UBAP2L: variants seen among roughly 807,000 people sequenced by gnomAD.
UBAP2L encodes ubiquitin-associated protein 2-like.
UBAP2L carries 12 observed loss-of-function variants against 130.6 expected under a neutral mutation model. The ratio of observed to expected loss-of-function variants is 0.09; its 90% CI spans 0.06 to 0.15. The LOEUF is 0.15. UBAP2L is among the 10% of genes least tolerant of loss of function. UBAP2L has a pLI of 1.00. For missense variants in UBAP2L, 965 were observed against 1,332.5 expected (o/e 0.72, Z 4.29); for synonymous variants, 503 against 524.7 (o/e 0.96, Z 0.57).
At chr1:154,252,674 C>T (rs1049983010) in intron 14 of UBAP2L, among the ~76,000 whole-genome samples, 1 of 152,094 alleles carries the variant, frequency 6.6e-6, no homozygotes, top group East Asian at 1.9e-4. Flanking sequence ...ATTCTCCTGC[C>T]TCAGCCTCCC....
chr1:154,265,302 G>A (rs1682922225), intron 24 of UBAP2L, among the ~76,000 whole-genome samples: 1 of 152,158 alleles, frequency 6.6e-6, no homozygotes, highest in Admixed American at 6.6e-5. Flanking sequence ...CCTTATTTGT[G>A]ATTTGGCCAC....
At position 154,249,364 on chromosome 1, in the gene UBAP2L, T is replaced by G; in HGVS notation, c.1140T>G (p.Ser380=). Residue 380 remains serine, a synonymous_variant, in exon 12 of 27, where the codon TCT becomes TCG. Transcript: ENST00000428931. ...TGGCTCAGTTGGCAGCTCAGCATTCTCAGTCTGGAAGCACCACCACCTCCT... is the reference window on the plus strand; with the variant it reads ...TGGCTCAGTTGGCAGCTCAGCATTCGCAGTCTGGAAGCACCACCACCTCCT... The part of the protein sequence containing the change: ...QALAQLAAQH[S]QSGSTTTSSW... 1 of 1,614,182 alleles carries G rather than the reference T, an allele frequency of 6.2e-7. No homozygotes were observed. Among genetic ancestry groups the G allele is most frequent in the Non-Finnish European group, 8.5e-7 (1 of 1,180,036 alleles).
At chr1:154,250,646 G>A (rs778502662) in intron 12 of UBAP2L, among the ~76,000 whole-genome samples, 2 of 152,034 alleles carry the variant, frequency 1.3e-5, no homozygotes, top group Non-Finnish European at 2.9e-5. Flanking sequence ...TTGAGGTCAG[G>A]AGTTCGAGAC....
intron 1 of UBAP2L, chr1:154,221,384 G>A (rs1666005897): frequency 2.0e-5 from 3 of 153,310 alleles, no homozygotes. Context: ...GCGAGGCCTG[G>A]GCCTTGCCTG....
chr1:154,220,571 C>T (rs1370236213), upstream of UBAP2L: 5 of 683,906 alleles, frequency 7.3e-6, no homozygotes, highest in Non-Finnish European at 1.3e-5. Context: ...GGCGGACAGG[C>T]AGGAGAGCTG....
intron 2 of UBAP2L, among the ~76,000 whole-genome samples, chr1:154,226,132 A>G (rs958447600): frequency 5.9e-5 from 9 of 152,172 alleles, no homozygotes; most frequent in African/African-American, 1.9e-4. Flanking sequence ...ATACCTCTCT[A>G]GCAAGCCTTT....
chr1:154,237,195 C>G (rs1490487049), intron 8 of UBAP2L, 59 bp downstream of exon 8: 1 of 1,439,146 alleles, frequency 6.9e-7, no homozygotes, highest in Admixed American at 1.8e-5. Flanking sequence ...ATAGTTTTTT[C>G]TGATTATACT....
Position 154,228,561 on chromosome 1 carries a change from T to C in UBAP2L, c.169-54T>C, listed in dbSNP as rs539988950. 64 of 1,346,140 alleles carry C rather than the reference T, an allele frequency of 4.8e-5. No individual in the cohort carries two copies. In the Middle Eastern group the frequency reaches 5.5e-4, roughly 12 times the overall value. The allele number at this position is 1,346,140 out of a possible 1,614,324, so 83.4% of individuals were successfully genotyped here. A position where few individuals can be genotyped will look rare whatever the true frequency, so the allele number is the denominator to read the frequency against. Reference sequence around the variant, plus strand: ...TTTCCCTTCACCTAGTTTCCTTTCATTGGGAGTGTGAGCATAAGCCTGTTC... The same window carrying C: ...TTTCCCTTCACCTAGTTTCCTTTCACTGGGAGTGTGAGCATAAGCCTGTTC... On this transcript the variant is annotated intron_variant, in intron 3 of 26. Coordinates refer to ENST00000428931, the MANE Select transcript of UBAP2L (RefSeq NM_014847.4).
chr1:154,230,919 A>C (rs1044635339), intron 4 of UBAP2L, among the ~76,000 whole-genome samples: 1 of 152,234 alleles, frequency 6.6e-6, no homozygotes. Context: ...GAAAGGTTAC[A>C]GTTTCCTGAA....
intron 4 of UBAP2L, among the ~76,000 whole-genome samples, chr1:154,230,091 C>G (rs1241183619): frequency 6.6e-6 from 1 of 152,074 alleles, no homozygotes; most frequent in East Asian, 1.9e-4. Flanking sequence ...ACTGCAAACT[C>G]TGCCTCCTGG....
intron 3 of UBAP2L, among the ~76,000 whole-genome samples, chr1:154,227,564 T>C (rs1347448662): frequency 6.6e-6 from 1 of 152,010 alleles, no homozygotes; most frequent in African/African-American, 2.4e-5. Flanking sequence ...TGTTTTTTTT[T>C]CAGATGAAGT....
chr1:154,257,343 T>C lies in UBAP2L; in HGVS notation c.2354-3T>C. On this transcript the variant is annotated splice_region_variant and splice_polypyrimidine_tract_variant and intron_variant, in intron 19 of 26. Transcript: ENST00000428931. ...TGGGATAAAAATGTAATTTCTCTTT[T>C]AGGAAAAGCTCCTCCCAACCTCCCT... 1 of 1,614,076 alleles carries C rather than the reference T, an allele frequency of 6.2e-7. No homozygotes were observed. Among genetic ancestry groups the C allele is most frequent in the Non-Finnish European group, 8.5e-7 (1 of 1,180,024 alleles).
At chr1:154,252,014 C>T (rs1157087835) in intron 14 of UBAP2L, among the ~76,000 whole-genome samples, 2 of 152,096 alleles carry the variant, frequency 1.3e-5, no homozygotes, top group African/African-American at 4.8e-5. Context: ...CACTCTGTTG[C>T]TTAGGCTGGA....
intron 10 of UBAP2L, among the ~76,000 whole-genome samples, chr1:154,245,642 G>A (rs1027071596): frequency 1.3e-5 from 2 of 152,154 alleles, no homozygotes; most frequent in African/African-American, 4.8e-5. Flanking sequence ...CGGGTGCGGT[G>A]CGGTGGCTAA....
chr1:154,258,368 G>GACTCAAA (rs1680380508), intron 20 of UBAP2L, among the ~76,000 whole-genome samples: 3 of 152,188 alleles, frequency 2.0e-5, no homozygotes, highest in African/African-American at 7.2e-5. Flanking sequence ...GACTCAATCT[G>GACTCAAA]GGACTTTGAG....
chr1:154,236,468 G>T, intron 6 of UBAP2L, 98 bp from the exon 7 acceptor site: 1 of 1,316,446 alleles, frequency 7.6e-7, no homozygotes. Context: ...TCAAAGTGCT[G>T]GGATTACCAC....
rs1039071523 is a variant in UBAP2L, at chr1:154,241,505, A to C, written c.704-8A>C. ...TGAAGTTACTTCACTATTTTTCTTTATTCTCAGGTGCATGGAGGACTGCAA... is the reference window on the plus strand; with the variant it reads ...TGAAGTTACTTCACTATTTTTCTTTCTTCTCAGGTGCATGGAGGACTGCAA... On this transcript the variant is annotated splice_region_variant and splice_polypyrimidine_tract_variant and intron_variant, in intron 8 of 26. Transcript: ENST00000428931. 1.2e-6 allele frequency: 2 copies of C among 1,613,422 alleles called. No homozygotes were observed. The highest frequency in any genetic ancestry group is 1.7e-6 in the Non-Finnish European group (2 of 1,179,698).
At chr1:154,238,060 G>A (rs1371853146) in intron 8 of UBAP2L, among the ~76,000 whole-genome samples, 1 of 152,112 alleles carries the variant, frequency 6.6e-6, no homozygotes, top group Non-Finnish European at 1.5e-5. Flanking sequence ...GTTTAAATTT[G>A]CCTTGTCACC....
At position 154,260,896 on chromosome 1, in the gene UBAP2L, C is replaced by A. The variant is rs1336908023; in HGVS notation, c.2583C>A (p.Asp861Glu). Residue 861 changes from aspartate (D) to glutamate (E), a missense_variant, in exon 23 of 27, where the codon GAC becomes GAA. Physicochemically the swap from Asp to Glu is conservative, Grantham distance 45. This residue lies in a region of UBAP2L where 194 missense variants were observed against 334.0 expected (regional missense o/e 0.58). Transcript: ENST00000428931. ...ATTTAGCTTCTCCTGTCACAGGTGACCTCACAAAGTTCGGCCGTGGGGATG... is the reference window on the plus strand; with the variant it reads ...ATTTAGCTTCTCCTGTCACAGGTGAACTCACAAAGTTCGGCCGTGGGGATG... The part of the protein sequence containing the change: ...GSLASNPYSG[D>E]LTKFGRGDAS... 6.2e-7 allele frequency: 1 copy of A among 1,614,158 alleles called. No individual in the cohort carries two copies. Among genetic ancestry groups the A allele is most frequent in the Non-Finnish European group, 8.5e-7 (1 of 1,180,022 alleles).
Sources: gnomAD v4.1 joint callset for allele counts (sites outside exome capture counted in the v4.1 genomes callset) on GRCh38, gnomAD v4.1.1 for gene constraint, gnomAD v4.1.1 regional missense constraint, MANE v1.5 for transcripts, NCBI Gene and HGNC (gene_info 2026-07-23, HGNC 2026-07-21) for gene names.